Variants in ADGRB3 observed in about 807,000 individuals in gnomAD.
ADGRB3 encodes adhesion G protein-coupled receptor B3, also known as brain-specific angiogenesis inhibitor 3.
In ADGRB3, 37 loss-of-function variants were observed where a neutral mutation model predicts 193.4. The observed-to-expected ratio is 0.19, with a 90% CI of 0.15 to 0.25. The LOEUF (loss-of-function observed/expected upper bound fraction) is 0.25, where lower values mean the gene tolerates loss of function less well. ADGRB3 is among the 10% of genes least tolerant of loss of function. ADGRB3 has a pLI of 1.00. For synonymous variants in ADGRB3, 690 were observed against 644.2 expected, an observed-to-expected ratio of 1.07 and a Z score of -1.08; for missense variants, 1,637 against 1,852.9, an observed-to-expected ratio of 0.88 and a Z score of 2.14.
intron 17 of ADGRB3, among the ~76,000 whole-genome samples, chr6:69,078,217 A>G (rs1381336964): frequency 1.3e-5 from 2 of 152,066 alleles, no homozygotes; most frequent in Admixed American, 1.3e-4. Context: ...AGTTGCTGTT[A>G]TTTTTAATTT....
intron 17 of ADGRB3, among the ~76,000 whole-genome samples, chr6:69,137,538 C>G (rs1774189292): frequency 6.6e-6 from 1 of 152,188 alleles, no homozygotes; most frequent in Admixed American, 6.5e-5. Flanking sequence ...GTGGCTCATG[C>G]CTGTAATCCC....
intron 3 of ADGRB3, among the ~76,000 whole-genome samples, chr6:68,865,846 T>G (rs1340550507): frequency 1.3e-5 from 2 of 152,142 alleles, no homozygotes; most frequent in East Asian, 1.9e-4. Context: ...CAAGCAGATA[T>G]CCAATGAAGC....
Position 68,795,068 on chromosome 6 carries a change from C to A in ADGRB3, c.758-135491C>A, listed in dbSNP as rs116536003. ...AATGCCATATATACACAGGAGAGCC[C>A]AAGTAATGAGGCTTTTAATTAAAAC... On this transcript the variant is annotated intron_variant, in intron 3 of 31. Transcript: ENST00000370598. Among the ~76,000 whole-genome samples, 354 of 151,918 alleles carry A rather than the reference C, an allele frequency of 2.3e-3. 1 individual carries two copies. The highest frequency in any genetic ancestry group is 8.1e-3 in the African/African-American group (337 of 41,500).
intron 3 of ADGRB3, among the ~76,000 whole-genome samples, chr6:68,891,557 A>C (rs1766077555): frequency 6.6e-6 from 1 of 152,174 alleles, no homozygotes; most frequent in African/African-American, 2.4e-5. Flanking sequence ...AAACAACTTA[A>C]TGAATGTCTG....
chr6:68,799,125 A>T (rs1767266561), intron 3 of ADGRB3, among the ~76,000 whole-genome samples: 1 of 152,192 alleles, frequency 6.6e-6, no homozygotes, highest in Admixed American at 6.5e-5. Flanking sequence ...GAGGGAGTAC[A>T]CATTTAGATA....
At chr6:68,743,615 A>G (rs1312075304) in intron 3 of ADGRB3, among the ~76,000 whole-genome samples, 1 of 152,066 alleles carries the variant, frequency 6.6e-6, no homozygotes, top group Non-Finnish European at 1.5e-5. Flanking sequence ...TTCTGAAAAG[A>G]GATAAGGAAA....
chr6:68,783,233 A>T (rs930160426), intron 3 of ADGRB3, among the ~76,000 whole-genome samples: 1 of 150,030 alleles, frequency 6.7e-6, no homozygotes, highest in Non-Finnish European at 1.5e-5. Flanking sequence ...CAAGATTCTG[A>T]TATAGACCAT....
chr6:69,146,829 T>TC (rs971096558), intron 17 of ADGRB3, among the ~76,000 whole-genome samples: 2 of 150,514 alleles, frequency 1.3e-5, no homozygotes, highest in Non-Finnish European at 3.0e-5. Context: ...TTCTTTTTTT[T>TC]TTTTTTTTTT....
At chr6:69,018,314 G>C in intron 12 of ADGRB3, 77 bp from the exon 13 acceptor site, 1 of 860,832 alleles carries the variant, frequency 1.2e-6, no homozygotes, top group Middle Eastern at 3.0e-4. Flanking sequence ...ATTTCATGTA[G>C]TTTAAAAAAA....
chr6:69,375,576 T>G (rs1485690755), intron 30 of ADGRB3, among the ~76,000 whole-genome samples: 1 of 152,078 alleles, frequency 6.6e-6, no homozygotes, highest in African/African-American at 2.4e-5. Context: ...ATTTTAATAT[T>G]TTAGAATAAA....
intron 3 of ADGRB3, among the ~76,000 whole-genome samples, chr6:68,874,285 C>T (rs1765531765): frequency 6.6e-6 from 1 of 152,194 alleles, no homozygotes; most frequent in Admixed American, 6.5e-5. Context: ...TGGGAAATAA[C>T]ATGTTATGAC....
At chr6:69,205,361 C>T (rs1210539317) in intron 17 of ADGRB3, among the ~76,000 whole-genome samples, 1 of 151,542 alleles carries the variant, frequency 6.6e-6, no homozygotes, top group African/African-American at 2.4e-5. Flanking sequence ...CTGAGACTGC[C>T]ACTGATATTG....
intron 17 of ADGRB3, among the ~76,000 whole-genome samples, chr6:69,183,512 T>C (rs984310524): frequency 2.6e-5 from 4 of 152,122 alleles, no homozygotes; most frequent in Non-Finnish European, 5.9e-5. Context: ...TTTAAATTGC[T>C]AAATGCTCTA....
chr6:69,009,060 C>T (rs1022575002), intron 11 of ADGRB3, among the ~76,000 whole-genome samples: 1 of 151,956 alleles, frequency 6.6e-6, no homozygotes, highest in Non-Finnish European at 1.5e-5. Flanking sequence ...AGCCCATTTC[C>T]TTACACACAG....
At chr6:69,343,600 G>T (rs1443934596) in intron 26 of ADGRB3, among the ~76,000 whole-genome samples, 2 of 151,868 alleles carry the variant, frequency 1.3e-5, no homozygotes, top group Non-Finnish European at 2.9e-5. Flanking sequence ...CTGACCTTCA[G>T]ACCTAAAATC....
chr6:69,333,916 C>T (rs112698789), intron 24 of ADGRB3, among the ~76,000 whole-genome samples: 14,030 of 142,978 alleles, frequency 0.098, 910 homozygotes, highest in Middle Eastern at 0.23. Context: ...GGCGACAGAG[C>T]GAGACTCTGT....
chr6:69,337,609 A>G (rs549924576), intron 24 of ADGRB3, among the ~76,000 whole-genome samples: 4 of 152,286 alleles, frequency 2.6e-5, no homozygotes, highest in African/African-American at 9.6e-5. Flanking sequence ...ATTTGGACAC[A>G]TTTGGCAACT....
chr6:69,172,988 C>T (rs1403873620), intron 17 of ADGRB3, among the ~76,000 whole-genome samples: 2 of 152,114 alleles, frequency 1.3e-5, no homozygotes, highest in Non-Finnish European at 2.9e-5. Context: ...TCAGTCAGGG[C>T]CCTTTAGGCC....
intron 3 of ADGRB3, among the ~76,000 whole-genome samples, chr6:68,769,054 G>A (rs1361465446): frequency 6.6e-6 from 1 of 152,182 alleles, no homozygotes; most frequent in African/African-American, 2.4e-5. Context: ...TGCTGGAGAG[G>A]ATGTGGAGAA....
Sources: gnomAD v4.1 joint callset for allele counts (sites outside exome capture counted in the v4.1 genomes callset) on GRCh38, gnomAD v4.1.1 for gene constraint, MANE v1.5 for transcripts, NCBI Gene and HGNC (gene_info 2026-07-23, HGNC 2026-07-21) for gene names.